The following GLCCI1 variants were observed in gnomAD, a reference collection of about 807,000 sequenced individuals.
GLCCI1 encodes glucocorticoid induced 1.
GLCCI1 carries 24 observed loss-of-function variants against 52.2 expected under a neutral mutation model. The ratio of observed to expected loss-of-function variants is 0.46; its 90% CI spans 0.33 to 0.65. GLCCI1 has a LOEUF of 0.65. GLCCI1 is among the 30% of genes least tolerant of loss of function. The probability of loss-of-function intolerance (pLI) is 0.02; values close to 1 mark genes in which losing one functional copy is unlikely to be tolerated. For missense variants in GLCCI1, 704 were observed against 701.5 expected, an observed-to-expected ratio of 1.00 and a Z score of -0.04; for synonymous variants, 310 against 276.5, an observed-to-expected ratio of 1.12 and a Z score of -1.20.
At chr7:7,985,421 A>G (rs1227526581) in intron 1 of GLCCI1, among the ~76,000 whole-genome samples, 1 of 152,162 alleles carries the variant, frequency 6.6e-6, no homozygotes, top group East Asian at 1.9e-4. Context: ...TAATTTTAAT[A>G]TACTGAGGGA....
At chr7:8,040,540 A>T (rs993221534) in intron 3 of GLCCI1, among the ~76,000 whole-genome samples, 2 of 151,826 alleles carry the variant, frequency 1.3e-5, no homozygotes, top group African/African-American at 4.8e-5. Flanking sequence ...ACACACACAC[A>T]CACACACACA....
chr7:8,000,846 G>A (rs1312986310), intron 1 of GLCCI1, among the ~76,000 whole-genome samples: 3 of 152,090 alleles, frequency 2.0e-5, no homozygotes, highest in African/African-American at 7.2e-5. Context: ...TTTTATCAGA[G>A]ACTAGGATTG....
chr7:8,052,711 G>A (rs1010877335), intron 3 of GLCCI1, among the ~76,000 whole-genome samples: 2 of 152,174 alleles, frequency 1.3e-5, no homozygotes, highest in South Asian at 2.1e-4. Context: ...CTTGTATCGC[G>A]GTGCAGTGGT....
chr7:8,018,962 A>G (rs563384751), intron 2 of GLCCI1, among the ~76,000 whole-genome samples: 54 of 152,350 alleles, frequency 3.5e-4, no homozygotes, highest in Admixed American at 2.8e-3. Flanking sequence ...ATGAAAGGAA[A>G]GAACTTTTGC....
In GLCCI1 at chr7:8,086,160, G is replaced by C; in HGVS notation, c.1299-33G>C. 6.5e-7 allele frequency: 1 copy of C among 1,529,738 alleles called. No individual in the cohort carries two copies. The highest frequency in any genetic ancestry group is 8.8e-7 in the Non-Finnish European group (1 of 1,130,608). The allele number at this position is 1,529,738 out of a possible 1,614,324, so 94.8% of individuals were successfully genotyped here. A position where few individuals can be genotyped will look rare whatever the true frequency, so the allele number is the denominator to read the frequency against. ...AATGCTTAACTTTTTCTGTGTTCAT[G>C]ATTATAAATCTAATTTTGTTTTATG... is the stretch of plus-strand genomic sequence containing the variant. On this transcript the variant is annotated intron_variant, in intron 7 of 7. Transcript: ENST00000223145. The surrounding 1 kb of genome is among the most constrained non-coding windows in gnomAD (Gnocchi z 4.4).
chr7:8,015,015 A>G lies in GLCCI1; in HGVS notation c.610-7468A>G, dbSNP rs150666335. 7.2e-3 allele frequency among the ~76,000 whole-genome samples: 1,104 copies of G among 152,332 alleles called. 17 individuals are homozygous for G. Among genetic ancestry groups the G allele is most frequent in the African/African-American group, 0.025 (1,038 of 41,580 alleles). ...TATGGAGTTTTATGATCCTGCCTCT[A>G]TGTCAGCATCTTTCCCTAGAAATCT... On this transcript the variant is annotated intron_variant, in intron 2 of 7. Transcript: ENST00000223145.
intron 1 of GLCCI1, chr7:7,980,285 G>A (rs1056350738): frequency 6.3e-6 from 1 of 157,940 alleles, no homozygotes; most frequent in African/African-American, 2.4e-5. Context: ...GACCTCACCA[G>A]GGCTTATAGC....
intron 3 of GLCCI1, among the ~76,000 whole-genome samples, chr7:8,048,543 A>C (rs528044007): frequency 5.3e-5 from 8 of 152,208 alleles, no homozygotes; most frequent in Admixed American, 3.3e-4. Context: ...CAGTCCCCTT[A>C]ATTATGGGGA....
At chr7:8,022,438 T>A in intron 2 of GLCCI1, 45 bp from the exon 3 acceptor site, 1 of 1,076,758 alleles carries the variant, frequency 9.3e-7, no homozygotes, top group Non-Finnish European at 1.3e-6. Context: ...GATTAGGAAG[T>A]AGAGATAAAA....
At chr7:8,036,027 A>G (rs1181976600) in intron 3 of GLCCI1, among the ~76,000 whole-genome samples, 1 of 152,218 alleles carries the variant, frequency 6.6e-6, no homozygotes, top group Non-Finnish European at 1.5e-5. Context: ...GAAGCAACAG[A>G]GAGATCCTTC....
At chr7:8,046,676 AC>A (rs1281679308) in intron 3 of GLCCI1, among the ~76,000 whole-genome samples, 2 of 152,144 alleles carry the variant, frequency 1.3e-5, no homozygotes, top group Non-Finnish European at 2.9e-5. Flanking sequence ...TCTGGACTGA[AC>A]CAATGTATAT....
At chr7:7,992,472 T>C (rs1583953048) in intron 1 of GLCCI1, among the ~76,000 whole-genome samples, 1 of 152,096 alleles carries the variant, frequency 6.6e-6, no homozygotes. Flanking sequence ...TTGCTAGTTA[T>C]GTAGCAAGAA....
At chr7:8,016,221 G>A (rs1006269329) in intron 2 of GLCCI1, among the ~76,000 whole-genome samples, 1 of 152,224 alleles carries the variant, frequency 6.6e-6, no homozygotes, top group African/African-American at 2.4e-5. Context: ...TGTAATCCCA[G>A]CACTTTGGGA....
chr7:7,987,124 C>T (rs1185794784), intron 1 of GLCCI1, among the ~76,000 whole-genome samples: 1 of 152,130 alleles, frequency 6.6e-6, no homozygotes, highest in Non-Finnish European at 1.5e-5. Context: ...TGAAAGATTT[C>T]TGTTGGTTCC....
intron 4 of GLCCI1, 112 bp downstream of exon 4, chr7:8,055,661 C>G (rs1782372808): frequency 2.8e-6 from 2 of 725,600 alleles, no homozygotes; most frequent in South Asian, 1.7e-5. Context: ...TACTAAATTA[C>G]TAGTTTGTTA....
intron 3 of GLCCI1, among the ~76,000 whole-genome samples, chr7:8,046,139 AAG>A (rs1047661191): frequency 5.0e-4 from 74 of 149,206 alleles, no homozygotes; most frequent in African/African-American, 1.8e-3. Context: ...GGCATAACGG[AAG>A]AGAGAATTCA....
chr7:8,005,932 G>A (rs1307068818), intron 2 of GLCCI1, among the ~76,000 whole-genome samples: 2 of 152,080 alleles, frequency 1.3e-5, no homozygotes, highest in Admixed American at 1.3e-4. Context: ...CTGAGTAGCT[G>A]GGATTACAGG....
At chr7:8,050,890 C>G (rs1478676111) in intron 3 of GLCCI1, among the ~76,000 whole-genome samples, 1 of 152,088 alleles carries the variant, frequency 6.6e-6, no homozygotes, top group African/African-American at 2.4e-5. Flanking sequence ...ATAATAGTAC[C>G]TATCTCATGT....
intron 1 of GLCCI1, among the ~76,000 whole-genome samples, chr7:7,971,408 G>A (rs530477542): frequency 6.6e-6 from 1 of 152,166 alleles, no homozygotes; most frequent in Non-Finnish European, 1.5e-5. Flanking sequence ...GTAACAGAAC[G>A]AACAGAAAAC....
Sources: gnomAD v4.1 joint callset for allele counts (sites outside exome capture counted in the v4.1 genomes callset) on GRCh38, gnomAD v4.1.1 for gene constraint, Gnocchi (gnomAD v3.1) non-coding constraint, MANE v1.5 for transcripts, NCBI Gene and HGNC (gene_info 2026-07-23, HGNC 2026-07-21) for gene names.